The following LGR5 variants were observed in gnomAD, a reference collection of about 807,000 sequenced individuals.
LGR5 encodes leucine rich repeat containing G protein-coupled receptor 5.
In LGR5, 54 loss-of-function variants were observed where a neutral mutation model predicts 76.7. The observed-to-expected ratio is 0.70, with a 90% confidence interval of 0.57 to 0.88. LGR5 has a LOEUF of 0.88. Among genes scored for constraint, LGR5 ranks in the 40% least tolerant of loss-of-function variants. LGR5 has a pLI of 0.00. For missense variants in LGR5, 1,078 were observed against 1,073.3 expected, an observed-to-expected ratio of 1.00 and a Z score of -0.06; for synonymous variants, 406 against 421.9, an observed-to-expected ratio of 0.96 and a Z score of 0.46.
At chr12:71,480,541 C>G (rs1269276755) in intron 1 of LGR5, among the ~76,000 whole-genome samples, 1 of 152,034 alleles carries the variant, frequency 6.6e-6, no homozygotes, top group Non-Finnish European at 1.5e-5. Context: ...GCCCATAGGA[C>G]AAGCATTCTC....
At chr12:71,457,064 G>A (rs1026757005) in intron 1 of LGR5, among the ~76,000 whole-genome samples, 1 of 151,858 alleles carries the variant, frequency 6.6e-6, no homozygotes, top group Non-Finnish European at 1.5e-5. Context: ...ATTTAACTTT[G>A]GTCAGATAAA....
chr12:71,584,517 A>G lies in LGR5; in HGVS notation c.2507A>G (p.Lys836Arg). ...HFKEDLVSLR[K>R]QTYVWTRSKH... ...AAGGAGGATCTGGTGAGCCTGAGAA[A>G]GCAAACCTACGTCTGGACAAGATCA... Residue 836 changes from lysine (K) to arginine (R), a missense_variant, in exon 18 of 18, where the codon AAG becomes AGG. Transcript: ENST00000266674. 1 of 1,614,184 alleles carries G rather than the reference A, an allele frequency of 6.2e-7. No individual in the cohort carries two copies. The highest frequency in any genetic ancestry group is 8.5e-7 in the Non-Finnish European group (1 of 1,180,028).
chr12:71,497,217 AG>A (rs1199104056), intron 1 of LGR5, among the ~76,000 whole-genome samples: 13 of 152,076 alleles, frequency 8.5e-5, no homozygotes, highest in Admixed American at 7.9e-4. Flanking sequence ...CGGCAGGCTG[AG>A]GTGGGGAGAT....
intron 14 of LGR5, 145 bp from the exon 15 acceptor site, chr12:71,578,659 A>T (rs1878961590): frequency 1.4e-6 from 1 of 696,628 alleles, no homozygotes; most frequent in East Asian, 2.8e-5. Context: ...CTAAACCAAA[A>T]TGGTTACTTT....
intron 4 of LGR5, among the ~76,000 whole-genome samples, chr12:71,536,110 G>A (rs2137369361): frequency 6.6e-6 from 1 of 152,238 alleles, no homozygotes; most frequent in East Asian, 1.9e-4. Flanking sequence ...TTACAATGGA[G>A]ATGCACATCT....
chr12:71,491,779 G>A (rs1471319684), intron 1 of LGR5, among the ~76,000 whole-genome samples: 3 of 148,036 alleles, frequency 2.0e-5, no homozygotes, highest in African/African-American at 5.0e-5. Flanking sequence ...AGACAGAGCA[G>A]ACATCTATCA....
chr12:71,576,789 C>T (rs1429821749), intron 13 of LGR5, among the ~76,000 whole-genome samples: 1 of 152,192 alleles, frequency 6.6e-6, no homozygotes, highest in Admixed American at 6.5e-5. Flanking sequence ...CCATGATCTA[C>T]TTAAAGCTGC....
chr12:71,474,160 C>T (rs943337496), intron 1 of LGR5, among the ~76,000 whole-genome samples: 2 of 151,896 alleles, frequency 1.3e-5, no homozygotes, highest in Admixed American at 1.3e-4. Context: ...AAAAAAAATC[C>T]CTTTCACTTT....
chr12:71,580,449 G>A, intron 16 of LGR5, 26 bp downstream of exon 16: 1 of 1,605,530 alleles, frequency 6.2e-7, no homozygotes, highest in East Asian at 2.2e-5. Flanking sequence ...CCATGGTAAT[G>A]AAATTGTGTT....
intron 1 of LGR5, among the ~76,000 whole-genome samples, chr12:71,503,463 C>A (rs1052184089): frequency 1.2e-4 from 19 of 152,142 alleles, no homozygotes; most frequent in Non-Finnish European, 2.2e-4. Flanking sequence ...AATATTTTCT[C>A]TTCTTTGCAC....
At chr12:71,508,204 G>C (rs1208880181) in intron 2 of LGR5, among the ~76,000 whole-genome samples, 1 of 152,216 alleles carries the variant, frequency 6.6e-6, no homozygotes, top group East Asian at 1.9e-4. Context: ...CTCCAGTCTG[G>C]TGACAGTGCG....
intron 4 of LGR5, among the ~76,000 whole-genome samples, chr12:71,544,881 G>T (rs1186801392): frequency 6.6e-6 from 1 of 152,130 alleles, no homozygotes; most frequent in African/African-American, 2.4e-5. Context: ...TATTGCTGTG[G>T]TTTTTTGGCT....
At chr12:71,566,532 C>A in intron 9 of LGR5, 57 bp downstream of exon 9, 3 of 1,534,130 alleles carry the variant, frequency 2.0e-6, no homozygotes, top group Non-Finnish European at 1.8e-6. Context: ...CTGTGAAAAA[C>A]CAAATGAATA....
At chr12:71,473,894 C>G (rs1450472311) in intron 1 of LGR5, among the ~76,000 whole-genome samples, 1 of 152,060 alleles carries the variant, frequency 6.6e-6, no homozygotes, top group Non-Finnish European at 1.5e-5. Flanking sequence ...AGCTAAGTAA[C>G]AACACCTCGC....
intron 2 of LGR5, among the ~76,000 whole-genome samples, chr12:71,522,020 G>A (rs965895857): frequency 6.6e-6 from 1 of 152,156 alleles, no homozygotes; most frequent in Non-Finnish European, 1.5e-5. Flanking sequence ...TAGCACTGAG[G>A]TTGCTTTGAA....
chr12:71,539,931 A>G (rs183774396), intron 4 of LGR5, among the ~76,000 whole-genome samples: 51 of 152,292 alleles, frequency 3.3e-4, no homozygotes, highest in African/African-American at 1.1e-3. Context: ...CCAGACACCA[A>G]TTAGATTTTT....
chr12:71,461,897 G>C (rs1872699792), intron 1 of LGR5, among the ~76,000 whole-genome samples: 1 of 152,082 alleles, frequency 6.6e-6, no homozygotes, highest in Non-Finnish European at 1.5e-5. Flanking sequence ...CATCTGAAGT[G>C]GGGTAAATAC....
Position 71,548,815 on chromosome 12 carries a change from T to TAC in LGR5, c.429-4225_429-4224dup, listed in dbSNP as rs71068775. ...ACTAATTTATGGATTCTAAGGTGCC[T>TAC]ACACACACACACACACACACACACA... On this transcript the variant is annotated intron_variant, in intron 4 of 17. Transcript: ENST00000266674. Among the ~76,000 whole-genome samples the TAC allele has an allele frequency of 1.0e-3, 149 of 148,668 alleles. No homozygotes were observed. The Middle Eastern group carries it at 0.01, about 10-fold the overall frequency.
intron 8 of LGR5, among the ~76,000 whole-genome samples, chr12:71,564,599 G>A (rs1262882007): frequency 7.0e-6 from 1 of 143,834 alleles, no homozygotes; most frequent in East Asian, 2.0e-4. Context: ...CTGTACACAC[G>A]CACCGTGTAT....
Sources: allele counts gnomAD v4.1 joint callset (sites outside exome capture counted in the v4.1 genomes callset), GRCh38; gene constraint gnomAD v4.1.1; transcripts MANE v1.5; gene names NCBI Gene and HGNC (gene_info 2026-07-23, HGNC 2026-07-21).